Variants in CDK5RAP1 observed in about 807,000 individuals in gnomAD.
CDK5RAP1 encodes mitochondrial tRNA methylthiotransferase CDK5RAP1.
Under a neutral mutation model 64.5 loss-of-function variants are expected in CDK5RAP1, and 62 were observed. The observed-to-expected ratio is 0.96, with a 90% CI of 0.78 to 1.19. CDK5RAP1 has a LOEUF of 1.19. Among genes scored for constraint, CDK5RAP1 ranks in the 50% most tolerant of loss-of-function variants. CDK5RAP1 has a pLI of 0.00. For synonymous variants in CDK5RAP1, 250 were observed against 261.9 expected, an observed-to-expected ratio of 0.95 and a Z score of 0.44; for missense variants, 657 against 735.0, an observed-to-expected ratio of 0.89 and a Z score of 1.23.
chr20:33,387,613 T>C lies in CDK5RAP1; in HGVS notation c.545-80A>G, dbSNP rs893510294. The C allele has an allele frequency of 2.0e-5, 23 of 1,134,738 alleles. 1 individual carries two copies. The South Asian group carries it at 3.1e-4, about 15-fold the overall frequency. The allele number at this position is 1,134,738 out of a possible 1,614,324, so 70.3% of individuals were successfully genotyped here. ...GCTTCTTCTTATTCCACTTTATCTG[T>C]AGCTGGGATTAGAGACCAGGGCACA... On this transcript the variant is annotated intron_variant, in intron 5 of 13. Coordinates refer to ENST00000346416, the MANE Select transcript of CDK5RAP1 (RefSeq NM_016408.4).
At chr20:33,361,871 G>A (rs989930464) in intron 12 of CDK5RAP1, among the ~76,000 whole-genome samples, 1 of 148,016 alleles carries the variant, frequency 6.8e-6, no homozygotes, top group Non-Finnish European at 1.5e-5. Flanking sequence ...CAGGAGAATC[G>A]CTTAAACCTG....
chr20:33,387,616 C>G, intron 5 of CDK5RAP1, 83 bp from the exon 6 acceptor site: 2 of 1,138,662 alleles, frequency 1.8e-6, no homozygotes, highest in East Asian at 2.4e-5. Flanking sequence ...TTATCTGTAG[C>G]TGGGATTAGA....
At chr20:33,398,873 C>G (rs1261301437) in intron 1 of CDK5RAP1, among the ~76,000 whole-genome samples, 1 of 152,056 alleles carries the variant, frequency 6.6e-6, no homozygotes, top group Non-Finnish European at 1.5e-5. Flanking sequence ...CTGCAGTAAG[C>G]CATAATCGCA....
chr20:33,380,136 G>T, intron 7 of CDK5RAP1, among the ~76,000 whole-genome samples: 1 of 151,036 alleles, frequency 6.6e-6, no homozygotes, highest in Admixed American at 6.6e-5. Flanking sequence ...GAAAAAATCA[G>T]ACAAAGGAGA....
At chr20:33,371,810 T>G (rs552369911) in intron 10 of CDK5RAP1, among the ~76,000 whole-genome samples, 1 of 152,132 alleles carries the variant, frequency 6.6e-6, no homozygotes, top group Non-Finnish European at 1.5e-5. Flanking sequence ...AATTAGAAAT[T>G]TGAGGAAAAA....
chr20:33,380,914 C>T (rs535884430), intron 7 of CDK5RAP1, among the ~76,000 whole-genome samples: 12 of 152,234 alleles, frequency 7.9e-5, no homozygotes, highest in African/African-American at 2.4e-4. Context: ...GCAGGAGAAT[C>T]GCTTGAACCC....
At chr20:33,394,580 C>T (rs2146719778) in intron 3 of CDK5RAP1, among the ~76,000 whole-genome samples, 1 of 151,736 alleles carries the variant, frequency 6.6e-6, no homozygotes, top group East Asian at 1.9e-4. Flanking sequence ...CTCCTGTCTT[C>T]AAGCAATCCT....
chr20:33,375,182 A>G (rs1296726037), intron 8 of CDK5RAP1, among the ~76,000 whole-genome samples: 1 of 151,940 alleles, frequency 6.6e-6, no homozygotes, highest in Non-Finnish European at 1.5e-5. Context: ...TGGGCAAATC[A>G]TTTGAGGTCA....
At chr20:33,359,264 C>T (rs1490292145) in intron 13 of CDK5RAP1, 141 bp from the exon 14 acceptor site, 3 of 625,624 alleles carry the variant, frequency 4.8e-6, no homozygotes, top group East Asian at 5.4e-5. Context: ...CTCCTGTGTG[C>T]CCCCGATCCT....
chr20:33,372,645 G>A lies in CDK5RAP1; in HGVS notation c.1258C>T (p.Pro420Ser). 1.3e-6 allele frequency: 2 copies of A among 1,520,218 alleles called. No individual in the cohort carries two copies. The highest frequency in any genetic ancestry group is 1.8e-6 in the Non-Finnish European group (2 of 1,132,342). The allele number at this position is 1,520,218 out of a possible 1,614,324, so 94.2% of individuals were successfully genotyped here. ...AGAATGAGTTTCTTAAATGTACCTG[G>A]AATAGATTCTCTAATATGGTGAACT... Reference protein sequence around the residue: ...ELVHHIRESIPGVSLSSDFIA... With the variant: ...ELVHHIRESISGVSLSSDFIA... Residue 420 changes from proline to serine, a missense_variant, in exon 10 of 14, where the codon CCA becomes TCA. Physicochemically the swap from Pro to Ser is moderately conservative, Grantham distance 74. Transcript: ENST00000346416.
At chr20:33,400,399 T>C (rs1483130640) in intron 1 of CDK5RAP1, among the ~76,000 whole-genome samples, 1 of 152,198 alleles carries the variant, frequency 6.6e-6, no homozygotes, top group Non-Finnish European at 1.5e-5. Flanking sequence ...AGTGTGAACT[T>C]TAAAATCGCC....
intron 12 of CDK5RAP1, among the ~76,000 whole-genome samples, chr20:33,363,859 A>G (rs1983387528): frequency 6.6e-6 from 1 of 152,152 alleles, no homozygotes; most frequent in South Asian, 2.1e-4. Flanking sequence ...TCATTACACC[A>G]CCACACTCCA....
intron 11 of CDK5RAP1, among the ~76,000 whole-genome samples, chr20:33,369,846 C>A (rs1338528097): frequency 6.6e-6 from 1 of 152,136 alleles, no homozygotes; most frequent in Admixed American, 6.5e-5. Context: ...TTTCTGAGCC[C>A]CCTGGCCACA....
intron 2 of CDK5RAP1, 50 bp from the exon 3 acceptor site, chr20:33,395,166 C>T (rs767342606): frequency 9.3e-7 from 1 of 1,073,506 alleles, no homozygotes. Context: ...AACAAGGGGT[C>T]TCGTGTCTCA....
rs1331129480 is a variant in CDK5RAP1, at chr20:33,392,227, C to T, written c.459G>A (p.Gln153=). The T allele has an allele frequency of 6.2e-7, 1 of 1,613,066 alleles. No individual in the cohort carries two copies. The highest frequency in any genetic ancestry group is 8.5e-7 in the Non-Finnish European group (1 of 1,179,088). Residue 153 remains glutamine, a synonymous_variant, in exon 5 of 14, where the codon CAG becomes CAA. Transcript: ENST00000346416. ...VTCSIREKAE[Q]TIWNRLHQLK... The stretch of plus-strand genomic sequence containing the variant: ...GCTGATGTAAACGGTTCCAGATGGT[C>T]TGCTCAGCCTTCTCCCTAGAGAGAT...
chr20:33,376,634 C>T (rs549009167), intron 8 of CDK5RAP1, among the ~76,000 whole-genome samples: 1 of 152,218 alleles, frequency 6.6e-6, no homozygotes, highest in South Asian at 2.1e-4. Flanking sequence ...TTTTGCAGCC[C>T]ATGGATCAAG....
intron 12 of CDK5RAP1, among the ~76,000 whole-genome samples, chr20:33,364,608 T>A (rs1983551234): frequency 6.6e-6 from 1 of 152,028 alleles, no homozygotes; most frequent in Non-Finnish European, 1.5e-5. Context: ...GAGTTTCACT[T>A]TTGTTGCCCA....
rs1468387741 is a variant in CDK5RAP1 at position 33,387,448 on chromosome 20, G to A, written c.630C>T (p.Asp210=). ...CAGCAACAGCCAGCAGCCGGGGAAG[G>A]TCCCGGTAGGCATCAGGACCAGCCA... is the stretch of plus-strand genomic sequence containing the variant. The part of the protein sequence containing the change: ...DILAGPDAYR[D]LPRLLAVAES... The change falls in exon 6 of 14, where the codon GAC becomes GAT. Residue 210 remains aspartate (D), a synonymous_variant. Transcript: ENST00000346416. 1 of 1,613,968 alleles carries A rather than the reference G, an allele frequency of 6.2e-7. No individual in the cohort carries two copies. The highest frequency in any genetic ancestry group is 8.5e-7 in the Non-Finnish European group (1 of 1,180,004).
intron 9 of CDK5RAP1, chr20:33,373,298 G>A: frequency 6.6e-6 from 1 of 152,350 alleles, no homozygotes; most frequent in Non-Finnish European, 1.5e-5. Context: ...GTAGAGACTG[G>A]GTTTCGCCAT....
Sources: allele counts gnomAD v4.1 joint callset (sites outside exome capture counted in the v4.1 genomes callset), GRCh38; gene constraint gnomAD v4.1.1; transcripts MANE v1.5; gene names NCBI Gene and HGNC (gene_info 2026-07-23, HGNC 2026-07-21).